LRRC14: variants seen among roughly 807,000 people sequenced by gnomAD.
LRRC14 encodes the protein leucine-rich repeat-containing protein 14.
In LRRC14, 16 loss-of-function variants were observed where a neutral mutation model predicts 25.3. The observed-to-expected ratio is 0.63, with a 90% confidence interval of 0.43 to 0.96. The LOEUF is 0.96. Ranked by LOEUF, LRRC14 falls within the 40% of genes least tolerant of loss-of-function variation. LRRC14 has a pLI of 0.00. For synonymous variants in LRRC14, 359 were observed against 295.1 expected, an observed-to-expected ratio of 1.22 and a Z score of -2.22; for missense variants, 594 against 660.5, an observed-to-expected ratio of 0.90 and a Z score of 1.10.
rs1815969771 is a variant in LRRC14, at chr8:144,520,760, C to G, written c.852C>G (p.Thr284=). ...RYFLAQMGRF[T]CLRELSMGSS... ...TCCTTGCCCAGATGGGCCGCTTCAC[C>G]TGTCTGCGTGAGCTCAGCATGGGCT... Residue 284 remains threonine, a synonymous_variant, in exon 3 of 4, where the codon ACC becomes ACG. Coordinates refer to ENST00000292524, the MANE Select transcript of LRRC14 (RefSeq NM_014665.4). The G allele has an allele frequency of 6.3e-7, 1 of 1,598,614 alleles. No individual in the cohort carries two copies. The highest frequency in any genetic ancestry group is 1.7e-5 in the Admixed American group (1 of 60,004).
At chr8:144,518,499 A>G (rs1815635225) in intron 1 of LRRC14, 1 of 152,262 alleles carries the variant, frequency 6.6e-6, no homozygotes, top group African/African-American at 2.4e-5. Flanking sequence ...TCCCGTGACA[A>G]GTGCTCGGTT....
Position 144,524,545 on chromosome 8 carries a change from C to A in LRRC14, c.*3067C>A. ...CCTACGAAGGCGCCGCTGCGCAAGC[C>A]GCGCAGCCGGTTGCTAGTGAGCGCC... is the stretch of plus-strand genomic sequence containing the variant. On this transcript the variant is annotated 3_prime_UTR_variant, in exon 4 of 4. Transcript: ENST00000292524. 6.3e-7 allele frequency: 1 copy of A among 1,582,528 alleles called. No homozygotes were observed. The highest frequency in any genetic ancestry group is 8.5e-7 in the Non-Finnish European group (1 of 1,172,768).
chr8:144,522,791 G>T lies in LRRC14; in HGVS notation c.*1313G>T. 2 of 1,545,500 alleles carry T rather than the reference G, an allele frequency of 1.3e-6. No homozygotes were observed. Among genetic ancestry groups the T allele is most frequent in the Non-Finnish European group, 8.7e-7 (1 of 1,150,436 alleles). On this transcript the variant is annotated 3_prime_UTR_variant, in exon 4 of 4. Transcript: ENST00000292524. The stretch of plus-strand genomic sequence containing the variant: ...CGTGAGCGCCAGCAGCGCGATGGCC[G>T]CCGCAATGGCCGTCTGTGTGGCCAC...
chr8:144,523,150 T>TG lies in LRRC14; in HGVS notation c.*1674dup. The TG allele has an allele frequency of 6.2e-7, 1 of 1,610,912 alleles. No homozygotes were observed. Among genetic ancestry groups the TG allele is most frequent in the South Asian group, 1.1e-5 (1 of 90,940 alleles). ...GGGGCACCTTTCTCCAGGTCACCAA[T>TG]GGCTGCGGGTAGCCGGAGGCTTGGC... is the stretch of plus-strand genomic sequence containing the variant. On this transcript the variant is annotated 3_prime_UTR_variant, in exon 4 of 4. Transcript: ENST00000292524.
chr8:144,524,492 C>T lies in LRRC14; in HGVS notation c.*3014C>T, dbSNP rs777498406. The T allele has an allele frequency of 4.4e-6, 7 of 1,597,510 alleles. No individual in the cohort carries two copies. Among genetic ancestry groups the T allele is most frequent in the South Asian group, 1.1e-5 (1 of 90,974 alleles). On this transcript the variant is annotated 3_prime_UTR_variant, in exon 4 of 4. Coordinates refer to ENST00000292524, the MANE Select transcript of LRRC14 (RefSeq NM_014665.4). ...GCAGCCGCGCCAGCTGGTTGCCCGC[C>T]AGGTAGAGCACGCGCAGCTGGGCCA...
At chr8:144,518,081 C>A in intron 1 of LRRC14, 40 bp downstream of exon 1, 1 of 189,836 alleles carries the variant, frequency 5.3e-6, no homozygotes, top group South Asian at 1.8e-4. Context: ...AGCGGGGCGG[C>A]GCACGCCCCT....
rs116791876 is a variant in LRRC14, at chr8:144,519,884, G to A, written c.159G>A (p.Thr53=). Residue 53 remains threonine (T), a synonymous_variant, in exon 2 of 4, where the codon ACG becomes ACA. Coordinates refer to ENST00000292524, the MANE Select transcript of LRRC14 (RefSeq NM_014665.4). The part of the protein sequence containing the change: ...KTVVLRELVH[T]WPFPLLSFQQ... ...TGGTACTGCGCGAGTTGGTACACAC[G>A]TGGCCCTTCCCGCTGCTCAGTTTCC... The A allele has an allele frequency of 8.6e-4, 1,386 of 1,613,494 alleles. 6 individuals are homozygous for A. In the African/African-American group the frequency reaches 0.014, roughly 17 times the overall value.
chr8:144,521,592 C>T lies in LRRC14; in HGVS notation c.*114C>T, dbSNP rs1021736381. 4 of 1,103,616 alleles carry T rather than the reference C, an allele frequency of 3.6e-6. No homozygotes were observed. In the South Asian group the frequency reaches 4.9e-5, roughly 13 times the overall value. 68.4% of individuals were successfully genotyped at this position (1,103,616 alleles called of 1,614,324 possible). A position where few individuals can be genotyped will look rare whatever the true frequency, so the allele number is the denominator to read the frequency against. On this transcript the variant is annotated 3_prime_UTR_variant, in exon 4 of 4. Coordinates refer to ENST00000292524, the MANE Select transcript of LRRC14 (RefSeq NM_014665.4). ...AAAAGCACTGGTTACTGGTTTCCTG[C>T]TGGGTCTACCTTGCTTCTGGGCACA...
At position 144,520,636 on chromosome 8, in the gene LRRC14, A is replaced by C; in HGVS notation, c.728A>C (p.His243Pro). Residue 243 changes from histidine to proline, a missense_variant, in exon 3 of 4, where the codon CAC becomes CCC. Coordinates refer to ENST00000292524, the MANE Select transcript of LRRC14 (RefSeq NM_014665.4). Reference sequence around the variant, plus strand: ...CGCGGCCTGTCTGTGATCATCCCACACGTGGCCCGCTTCCAGCACCTGGCC... The same window carrying C: ...CGCGGCCTGTCTGTGATCATCCCACCCGTGGCCCGCTTCCAGCACCTGGCC... Reference protein sequence around the residue: ...GLRGLSVIIPHVARFQHLASL... With the variant: ...GLRGLSVIIPPVARFQHLASL... 1 of 1,601,916 alleles carries C rather than the reference A, an allele frequency of 6.2e-7. No individual in the cohort carries two copies. Among genetic ancestry groups the C allele is most frequent in the Non-Finnish European group, 8.5e-7 (1 of 1,179,942 alleles).
chr8:144,521,311 C>T lies in LRRC14; in HGVS notation c.1315C>T (p.Pro439Ser), dbSNP rs771504402. 5 of 1,612,836 alleles carry T rather than the reference C, an allele frequency of 3.1e-6. No individual in the cohort carries two copies. The highest frequency in any genetic ancestry group is 1.3e-5 in the African/African-American group (1 of 74,936). ...PFPVDCYEGLPWPPPASVLLE... is the reference protein window; with the variant it reads ...PFPVDCYEGLSWPPPASVLLE... ...CCCTGTGGACTGCTATGAGGGCTTG[C>T]CCTGGCCGCCGCCTGCCTCTGTCCT... Residue 439 changes from proline (P) to serine (S), a missense_variant, in exon 4 of 4, where the codon CCC becomes TCC. Physicochemically the swap from Pro to Ser is moderately conservative, Grantham distance 74. Coordinates refer to ENST00000292524, the MANE Select transcript of LRRC14 (RefSeq NM_014665.4).
Position 144,518,044 on chromosome 8 carries a change from G to A in LRRC14, c.-112+3G>A, listed in dbSNP as rs900633301. The A allele has an allele frequency of 9.8e-6, 2 of 204,806 alleles. No individual in the cohort carries two copies. Among genetic ancestry groups the A allele is most frequent in the Admixed American group, 6.0e-5 (1 of 16,726 alleles). 12.7% of individuals were successfully genotyped at this position (204,806 alleles called of 1,614,324 possible). On this transcript the variant is annotated splice_donor_region_variant and intron_variant, in intron 1 of 3. Transcript: ENST00000292524. ...CGGTGGCTGCGGTTGCGGGACCGGTGAGCGCGGGCGGCCGGGGGGGTGTCT... is the reference window on the plus strand; with the variant it reads ...CGGTGGCTGCGGTTGCGGGACCGGTAAGCGCGGGCGGCCGGGGGGGTGTCT...
Position 144,523,577 on chromosome 8 carries a change from G to A in LRRC14, c.*2099G>A, listed in dbSNP as rs924964549. 2.6e-5 allele frequency: 29 copies of A among 1,112,142 alleles called. No individual in the cohort carries two copies. In the East Asian group the frequency reaches 4.6e-4, roughly 18 times the overall value. 68.9% of individuals were successfully genotyped at this position (1,112,142 alleles called of 1,614,324 possible). ...TCCTTGACCCCAAGCTCCTTGGGGCGGCAGGCCCTTCACCCTCGCCCCCCT... is the reference window on the plus strand; with the variant it reads ...TCCTTGACCCCAAGCTCCTTGGGGCAGCAGGCCCTTCACCCTCGCCCCCCT... On this transcript the variant is annotated 3_prime_UTR_variant, in exon 4 of 4. Transcript: ENST00000292524.
chr8:144,520,767 C>T lies in LRRC14; in HGVS notation c.859C>T (p.Arg287Cys), dbSNP rs775520488. The change falls in exon 3 of 4, where the codon CGT (arginine) becomes TGT (cysteine). Residue 287 changes from arginine to cysteine, a missense_variant. By Grantham distance (180) the Arg-to-Cys change is radical. Transcript: ENST00000292524. ...CCAGATGGGCCGCTTCACCTGTCTG[C>T]GTGAGCTCAGCATGGGCTCCTCTCT... ...LAQMGRFTCLRELSMGSSLLS... is the reference protein window; with the variant it reads ...LAQMGRFTCLCELSMGSSLLS... The T allele has an allele frequency of 5.0e-6, 8 of 1,598,538 alleles. No individual in the cohort carries two copies. The highest frequency in any genetic ancestry group is 5.9e-6 in the Non-Finnish European group (7 of 1,179,942).
Position 144,524,129 on chromosome 8 carries a change from C to T in LRRC14, c.*2651C>T. 1 of 1,603,786 alleles carries T rather than the reference C, an allele frequency of 6.2e-7. No individual in the cohort carries two copies. The highest frequency in any genetic ancestry group is 1.1e-5 in the South Asian group (1 of 90,920). On this transcript the variant is annotated 3_prime_UTR_variant, in exon 4 of 4. Coordinates refer to ENST00000292524, the MANE Select transcript of LRRC14 (RefSeq NM_014665.4). ...AGGTACCTGTGAGGCGCAGGACTTG[C>T]AGACTGGCCAGGGGCTGCAGGGCCT...
Position 144,522,539 on chromosome 8 carries a change from G to C in LRRC14, c.*1061G>C, listed in dbSNP as rs1200435557. Reference sequence around the variant, plus strand: ...GAGTCCCGGCCCCGCCCCCTGTTCCGGGCCGCAGTCAGCGGGCGCCTCCGC... The same window carrying C: ...GAGTCCCGGCCCCGCCCCCTGTTCCCGGCCGCAGTCAGCGGGCGCCTCCGC... On this transcript the variant is annotated 3_prime_UTR_variant, in exon 4 of 4. Coordinates refer to ENST00000292524, the MANE Select transcript of LRRC14 (RefSeq NM_014665.4). The C allele has an allele frequency of 5.9e-6, 9 of 1,524,874 alleles. No individual in the cohort carries two copies. In the Admixed American group the frequency reaches 1.3e-4, roughly 21 times the overall value. 94.5% of individuals were successfully genotyped at this position (1,524,874 alleles called of 1,614,324 possible).
rs761364864 is a variant in LRRC14 at position 144,521,215 on chromosome 8, A to G, written c.1219A>G (p.Met407Val). 5 of 1,613,160 alleles carry G rather than the reference A, an allele frequency of 3.1e-6. No homozygotes were observed. In the East Asian group the frequency reaches 6.7e-5, roughly 22 times the overall value. ...TGGCCTCTATGGCAACCCACTGTCC[A>G]TGGCGGGCCTCAAGGAGCTGCTGCG... ...YLGLYGNPLS[M>V]AGLKELLRDS... is the part of the protein sequence containing the mutation. The change falls in exon 4 of 4, where the codon ATG becomes GTG. Residue 407 changes from methionine (M) to valine (V), a missense_variant. Transcript: ENST00000292524.
In LRRC14 at chr8:144,523,329, T is replaced by G. The variant is rs925063013; in HGVS notation, c.*1851T>G. The G allele has an allele frequency of 1.9e-6, 3 of 1,597,630 alleles. No individual in the cohort carries two copies. Among genetic ancestry groups the G allele is most frequent in the Non-Finnish European group, 8.6e-7 (1 of 1,169,490 alleles). ...TCTGCACACATGATCTTCCTGTCCC[T>G]GGAGGTGAGCAGCCGCTGGCCGCCC... On this transcript the variant is annotated 3_prime_UTR_variant, in exon 4 of 4. Coordinates refer to ENST00000292524, the MANE Select transcript of LRRC14 (RefSeq NM_014665.4).
In LRRC14 at chr8:144,522,794, G is replaced by A. The variant is rs1195839123; in HGVS notation, c.*1316G>A. 1.3e-6 allele frequency: 2 copies of A among 1,545,238 alleles called. No homozygotes were observed. The highest frequency in any genetic ancestry group is 3.8e-5 in the Admixed American group (2 of 52,078). The stretch of plus-strand genomic sequence containing the variant: ...GAGCGCCAGCAGCGCGATGGCCGCC[G>A]CAATGGCCGTCTGTGTGGCCACGCC... On this transcript the variant is annotated 3_prime_UTR_variant, in exon 4 of 4. Transcript: ENST00000292524.
At chr8:144,518,999 A>C (rs1175014381) in intron 1 of LRRC14, among the ~76,000 whole-genome samples, 1 of 152,234 alleles carries the variant, frequency 6.6e-6, no homozygotes, top group African/African-American at 2.4e-5. Context: ...GGTAAGGGCC[A>C]ACAAAGGTGA....
Sources: allele counts gnomAD v4.1 joint callset (sites outside exome capture counted in the v4.1 genomes callset), GRCh38; gene constraint gnomAD v4.1.1; transcripts MANE v1.5; gene names NCBI Gene and HGNC (gene_info 2026-07-23, HGNC 2026-07-21).